The following GADL1 variants were observed in gnomAD, a reference collection of about 807,000 sequenced individuals.
GADL1 encodes GAD like acidic amino acid decarboxylase 1.
In GADL1, 71 loss-of-function variants were observed where a neutral mutation model predicts 69.5. That is an observed-to-expected ratio of 1.02 (90% CI 0.84 to 1.25). GADL1 has a LOEUF of 1.25. Ranked by LOEUF, GADL1 falls within the 50% of genes most tolerant of loss-of-function variation. The pLI is 0.00. For missense variants in GADL1, 737 were observed against 631.8 expected (o/e 1.17, Z -1.79); for synonymous variants, 254 against 214.4 (o/e 1.18, Z -1.62).
chr3:30,894,451 T>C (rs1698829939), intron 1 of GADL1, 127 bp downstream of exon 1: 1 of 667,226 alleles, frequency 1.5e-6, no homozygotes, highest in African/African-American at 1.9e-5. Context: ...AGATGGGGAC[T>C]TTCTACCCAC....
At chr3:30,876,300 A>G (rs1400399987) in intron 1 of GADL1, among the ~76,000 whole-genome samples, 1 of 152,058 alleles carries the variant, frequency 6.6e-6, no homozygotes, top group Admixed American at 6.6e-5. Context: ...CAAACCTATG[A>G]TTGTAACCCC....
rs927952792 is a variant in GADL1, at chr3:30,865,311, T to A, written c.38-3546A>T. 2.0e-4 allele frequency among the ~76,000 whole-genome samples: 30 copies of A among 149,856 alleles called. No homozygotes were observed. The South Asian group carries it at 6.1e-3, about 31-fold the overall frequency. On this transcript the variant is annotated intron_variant, in intron 1 of 14. Coordinates refer to ENST00000282538, the MANE Select transcript of GADL1 (RefSeq NM_207359.3). Reference sequence around the variant, plus strand: ...TATATATATATATATATATATTTTTTAATATCTGTCTCTCCAATAAAGAAA... The same window carrying A: ...TATATATATATATATATATATTTTTAAATATCTGTCTCTCCAATAAAGAAA...
At position 30,894,565 on chromosome 3, in the gene GADL1, G is replaced by A. The variant is rs756182495; in HGVS notation, c.37+13C>T. ...GGTTAAGGACAAAAACCGCAGCCGC[G>A]CTGAGTCGTTACCGTCCACAGGACA... On this transcript the variant is annotated intron_variant, in intron 1 of 14. Transcript: ENST00000282538. 2.6e-6 allele frequency: 4 copies of A among 1,547,190 alleles called. No homozygotes were observed. Among genetic ancestry groups the A allele is most frequent in the Middle Eastern group, 1.7e-4 (1 of 5,974 alleles).
chr3:30,808,611 G>A (rs534806662), intron 11 of GADL1, among the ~76,000 whole-genome samples: 3 of 152,238 alleles, frequency 2.0e-5, no homozygotes, highest in African/African-American at 4.8e-5. Context: ...GAAACCAGCA[G>A]ACTATTTGGA....
Position 30,768,559 on chromosome 3 carries a change from GA to G in GADL1, c.1392+9619del, listed in dbSNP as rs1696341846. On this transcript the variant is annotated intron_variant, in intron 14 of 14. Transcript: ENST00000282538. Reference sequence around the variant, plus strand: ...TTGAGAAGGAGAAGAGGGGGAGAGAGAAGGGGTGGGGAGGGGGAGGAGAGGC... The same window carrying G: ...TTGAGAAGGAGAAGAGGGGGAGAGAGAGGGGTGGGGAGGGGGAGGAGAGGC... Among the ~76,000 whole-genome samples, 9 of 85,558 alleles carry G rather than the reference GA, an allele frequency of 1.1e-4. No individual in the cohort carries two copies. In the South Asian group the frequency reaches 3.5e-3, roughly 33 times the overall value. 56.1% of individuals were successfully genotyped at this position (85,558 alleles called of 152,430 possible).
At chr3:30,754,320 C>A (rs1303050100) in intron 14 of GADL1, among the ~76,000 whole-genome samples, 1 of 152,092 alleles carries the variant, frequency 6.6e-6, no homozygotes, top group Non-Finnish European at 1.5e-5. Context: ...ATAATTCTGT[C>A]AAACTGATGA....
At chr3:30,872,468 A>G (rs1698506280) in intron 1 of GADL1, among the ~76,000 whole-genome samples, 1 of 151,810 alleles carries the variant, frequency 6.6e-6, no homozygotes, top group South Asian at 2.1e-4. Context: ...ACCAGGTTTC[A>G]CTCATTGCTT....
intron 12 of GADL1, among the ~76,000 whole-genome samples, chr3:30,788,547 C>T (rs1696848152): frequency 6.6e-6 from 1 of 152,162 alleles, no homozygotes; most frequent in Non-Finnish European, 1.5e-5. Context: ...GGGACAATTT[C>T]TTACAATAAG....
At chr3:30,755,012 A>G (rs1695934611) in intron 14 of GADL1, among the ~76,000 whole-genome samples, 1 of 152,192 alleles carries the variant, frequency 6.6e-6, no homozygotes, top group Non-Finnish European at 1.5e-5. Context: ...GCATCTCTGA[A>G]AAGATTTCTG....
At chr3:30,814,222 G>A (rs1000771877) in intron 11 of GADL1, among the ~76,000 whole-genome samples, 2 of 152,106 alleles carry the variant, frequency 1.3e-5, no homozygotes, top group Non-Finnish European at 2.9e-5. Flanking sequence ...CCAAGCAGAG[G>A]AATAATTTGA....
At chr3:30,739,704 T>A (rs1439533755) in intron 14 of GADL1, among the ~76,000 whole-genome samples, 9 of 152,212 alleles carry the variant, frequency 5.9e-5, no homozygotes, top group African/African-American at 2.2e-4. Context: ...AAGTGTTATG[T>A]ACCTTACTTT....
intron 9 of GADL1, among the ~76,000 whole-genome samples, chr3:30,836,432 A>G (rs539013966): frequency 4.4e-4 from 67 of 151,352 alleles, no homozygotes; most frequent in African/African-American, 1.6e-3. Flanking sequence ...TAAATGCCCT[A>G]CTTTAATTTG....
At chr3:30,828,918 A>T (rs1697739113) in intron 11 of GADL1, among the ~76,000 whole-genome samples, 1 of 151,980 alleles carries the variant, frequency 6.6e-6, no homozygotes, top group African/African-American at 2.4e-5. Flanking sequence ...CTAAAGGAAT[A>T]CTAAAGAGGA....
intron 14 of GADL1, among the ~76,000 whole-genome samples, chr3:30,744,870 T>A (rs1161310081): frequency 6.6e-6 from 1 of 152,170 alleles, no homozygotes; most frequent in Non-Finnish European, 1.5e-5. Flanking sequence ...TACAAAAAAA[T>A]GACAATGGGA....
At chr3:30,770,548 C>G (rs1324745631) in intron 14 of GADL1, among the ~76,000 whole-genome samples, 1 of 152,064 alleles carries the variant, frequency 6.6e-6, no homozygotes, top group Admixed American at 6.5e-5. Flanking sequence ...TGACTGTCAT[C>G]GAGGGTGCCC....
intron 14 of GADL1, among the ~76,000 whole-genome samples, chr3:30,766,945 G>GA (rs2096121987): frequency 6.6e-6 from 1 of 152,194 alleles, no homozygotes; most frequent in South Asian, 2.1e-4. Context: ...AAGGCATGGA[G>GA]AAGATATCTG....
At chr3:30,760,300 ATC>A (rs569891059) in intron 14 of GADL1, among the ~76,000 whole-genome samples, 3 of 152,048 alleles carry the variant, frequency 2.0e-5, no homozygotes, top group South Asian at 2.1e-4. Context: ...TTGACCTTAC[ATC>A]TCTTTGTGCC....
intron 6 of GADL1, among the ~76,000 whole-genome samples, chr3:30,849,459 G>A (rs1175555588): frequency 6.6e-6 from 1 of 152,088 alleles, no homozygotes; most frequent in Non-Finnish European, 1.5e-5. Flanking sequence ...CTAACTCAAA[G>A]CCTATGCGCT....
intron 1 of GADL1, among the ~76,000 whole-genome samples, chr3:30,892,103 ATCAT>A (rs1698795463): frequency 6.6e-6 from 1 of 152,222 alleles, no homozygotes; most frequent in South Asian, 2.1e-4. Context: ...AGTCTGAAGA[ATCAT>A]TCATTTTTAA....
Sources: allele counts gnomAD v4.1 joint callset (sites outside exome capture counted in the v4.1 genomes callset), GRCh38; gene constraint gnomAD v4.1.1; transcripts MANE v1.5; gene names NCBI Gene and HGNC (gene_info 2026-07-23, HGNC 2026-07-21).